Variants in KCNN3 observed in about 807,000 individuals in gnomAD.
KCNN3 encodes potassium calcium-activated channel subfamily N member 3.
A neutral mutation model predicts 62.9 loss-of-function variants in KCNN3; 16 were observed. The observed-to-expected ratio is 0.25, with a 90% CI of 0.17 to 0.39. The LOEUF (loss-of-function observed/expected upper bound fraction) is 0.39, where lower values mean the gene tolerates loss of function less well. Among genes scored for constraint, KCNN3 ranks in the 10% least tolerant of loss-of-function variants. The probability of loss-of-function intolerance (pLI) is 1.00; values close to 1 mark genes in which losing one functional copy is unlikely to be tolerated. For synonymous variants in KCNN3, 370 were observed against 389.2 expected (o/e 0.95, Z 0.58); for missense variants, 599 against 949.4 (o/e 0.63, Z 4.85).
intron 4 of KCNN3, among the ~76,000 whole-genome samples, chr1:154,728,248 A>G (rs1010763596): frequency 1.3e-5 from 2 of 152,210 alleles, no homozygotes; most frequent in African/African-American, 4.8e-5. Context: ...TCACATGATG[A>G]AGATAAATTT....
At chr1:154,727,313 A>G (rs544647592) in intron 4 of KCNN3, among the ~76,000 whole-genome samples, 20 of 152,348 alleles carry the variant, frequency 1.3e-4, no homozygotes, top group African/African-American at 4.8e-4. Context: ...ATCTGTCAGT[A>G]ACATTTTTGG....
intron 1 of KCNN3, among the ~76,000 whole-genome samples, chr1:154,827,958 C>A (rs186344961): frequency 9.9e-5 from 15 of 152,272 alleles, no homozygotes; most frequent in African/African-American, 3.6e-4. Context: ...AATGAAGTCA[C>A]TCAGACCCTC....
At chr1:154,784,988 G>A (rs560786973) in intron 2 of KCNN3, among the ~76,000 whole-genome samples, 5 of 152,360 alleles carry the variant, frequency 3.3e-5, no homozygotes, top group African/African-American at 9.6e-5. Flanking sequence ...AAGGCTTGTT[G>A]GGCTGAGCCC....
intron 1 of KCNN3, among the ~76,000 whole-genome samples, chr1:154,829,882 C>T (rs370663362): frequency 1.3e-5 from 2 of 152,160 alleles, no homozygotes; most frequent in South Asian, 4.1e-4. Context: ...ATTGGCACTG[C>T]CCAGCTGGGG....
chr1:154,849,466 C>T (rs1224521523), intron 1 of KCNN3, among the ~76,000 whole-genome samples: 1 of 152,234 alleles, frequency 6.6e-6, no homozygotes, highest in East Asian at 1.9e-4. Context: ...GCATGCTTCC[C>T]ATCCGGGTTC....
rs1652909213 is a variant in KCNN3, at chr1:154,865,281, A to G, written c.933+3751T>C. On this transcript the variant is annotated intron_variant, in intron 1 of 7. Coordinates refer to ENST00000271915, the MANE Select transcript of KCNN3 (RefSeq NM_002249.6). ...CCGATCAGTACAGATGATGTGATTA[A>G]GATTCTCAACAGAATCTCTAGACCA... is the stretch of plus-strand genomic sequence containing the variant. Among the ~76,000 whole-genome samples the G allele has an allele frequency of 1.3e-5, 2 of 152,106 alleles. 1 individual carries two copies. The highest frequency in any genetic ancestry group is 1.3e-4 in the Admixed American group (2 of 15,266).
chr1:154,777,646 C>G (rs1648847882), intron 2 of KCNN3, among the ~76,000 whole-genome samples: 1 of 152,142 alleles, frequency 6.6e-6, no homozygotes, highest in Admixed American at 6.5e-5. Context: ...ACCAGAGGGG[C>G]TCGGGGAGTG....
intron 3 of KCNN3, among the ~76,000 whole-genome samples, chr1:154,738,803 C>G (rs1700767940): frequency 6.6e-6 from 1 of 152,204 alleles, no homozygotes. Context: ...CGATCATTAA[C>G]AACTCCAGGA....
chr1:154,766,134 G>A (rs760702826), intron 3 of KCNN3, among the ~76,000 whole-genome samples: 10 of 151,644 alleles, frequency 6.6e-5, no homozygotes, highest in Non-Finnish European at 1.2e-4. Context: ...GAAGGGGATC[G>A]CTACAGGCTG....
chr1:154,746,627 A>C, intron 3 of KCNN3, among the ~76,000 whole-genome samples: 2 of 146,262 alleles, frequency 1.4e-5, no homozygotes, highest in African/African-American at 2.6e-5. Context: ...CACTGTCTCC[A>C]CCTCCCTCTC....
intron 1 of KCNN3, chr1:154,859,977 C>T: frequency 1.4e-6 from 1 of 703,410 alleles, no homozygotes; most frequent in Non-Finnish European, 2.3e-6. Flanking sequence ...CATCAAGGCT[C>T]TGCTCAGAAT....
At chr1:154,767,727 G>T (rs978014803) in intron 3 of KCNN3, among the ~76,000 whole-genome samples, 1 of 152,210 alleles carries the variant, frequency 6.6e-6, no homozygotes, top group Admixed American at 6.5e-5. Context: ...TGCCACAACT[G>T]TCAGGCCTCG....
intron 2 of KCNN3, among the ~76,000 whole-genome samples, chr1:154,815,553 A>G (rs1650629071): frequency 1.3e-5 from 2 of 152,282 alleles, no homozygotes; most frequent in South Asian, 2.1e-4. Flanking sequence ...GGACAAACCA[A>G]TTTCCAAAGG....
intron 1 of KCNN3, among the ~76,000 whole-genome samples, chr1:154,838,586 G>T (rs888908908): frequency 6.6e-6 from 1 of 152,126 alleles, no homozygotes; most frequent in African/African-American, 2.4e-5. Flanking sequence ...TTGCTGGGCC[G>T]GGAACAACCT....
At chr1:154,806,117 C>T (rs749084410) in intron 2 of KCNN3, among the ~76,000 whole-genome samples, 6 of 152,060 alleles carry the variant, frequency 3.9e-5, no homozygotes, top group Non-Finnish European at 5.9e-5. Context: ...GAAATGGGGC[C>T]GTTGTGGGGT....
intron 3 of KCNN3, among the ~76,000 whole-genome samples, chr1:154,742,776 G>T (rs1700851636): frequency 6.6e-6 from 1 of 152,220 alleles, no homozygotes; most frequent in Admixed American, 6.5e-5. Context: ...ATGTGCACGG[G>T]CTCCATCAGC....
intron 7 of KCNN3, among the ~76,000 whole-genome samples, chr1:154,711,251 C>T (rs1163792935): frequency 2.0e-5 from 3 of 147,608 alleles, no homozygotes; most frequent in Admixed American, 6.9e-5. Context: ...GGACAAAAAA[C>T]CAAACACCGC....
chr1:154,756,487 C>T lies in KCNN3; in HGVS notation c.1448+15488G>A, dbSNP rs901995816. Among the ~76,000 whole-genome samples, 3 of 152,092 alleles carry T rather than the reference C, an allele frequency of 2.0e-5. No individual in the cohort carries two copies. In the East Asian group the frequency reaches 5.8e-4, roughly 29 times the overall value. Reference sequence around the variant, plus strand: ...TCTGCGGCTCAGTCCCTGCCACACCCCCCTTCATCTGTTTACTCTCCTTCC... The same window carrying T: ...TCTGCGGCTCAGTCCCTGCCACACCTCCCTTCATCTGTTTACTCTCCTTCC... On this transcript the variant is annotated intron_variant, in intron 3 of 7. Coordinates refer to ENST00000271915, the MANE Select transcript of KCNN3 (RefSeq NM_002249.6).
At chr1:154,725,630 G>A (rs1366022521) in intron 5 of KCNN3, among the ~76,000 whole-genome samples, 4 of 149,202 alleles carry the variant, frequency 2.7e-5, no homozygotes, top group Non-Finnish European at 4.4e-5. Flanking sequence ...TGCAACCTCC[G>A]CCTCCCAGGT....
Sources: gnomAD v4.1 joint callset for allele counts (sites outside exome capture counted in the v4.1 genomes callset) on GRCh38, gnomAD v4.1.1 for gene constraint, MANE v1.5 for transcripts, NCBI Gene and HGNC (gene_info 2026-07-23, HGNC 2026-07-21) for gene names.